PALS1: variants seen among roughly 807,000 people sequenced by gnomAD.
PALS1 encodes the protein protein PALS1.
A neutral mutation model predicts 78.9 loss-of-function variants in PALS1; 31 were observed. The ratio of observed to expected loss-of-function variants is 0.39; its 90% CI spans 0.30 to 0.53. The LOEUF is 0.53. PALS1 is among the 20% of genes least tolerant of loss of function. The pLI is 0.67. For synonymous variants in PALS1, 276 were observed against 270.9 expected, an observed-to-expected ratio of 1.02 and a Z score of -0.18; for missense variants, 704 against 826.5, an observed-to-expected ratio of 0.85 and a Z score of 1.82.
At chr14:67,280,257 T>C (rs1043085273) in intron 3 of PALS1, among the ~76,000 whole-genome samples, 2 of 152,250 alleles carry the variant, frequency 1.3e-5, no homozygotes, top group African/African-American at 2.4e-5. Context: ...TATTTAATCA[T>C]TGAATTTACT....
chr14:67,322,470 G>T (rs887529398), intron 13 of PALS1, among the ~76,000 whole-genome samples: 1 of 152,120 alleles, frequency 6.6e-6, no homozygotes, highest in African/African-American at 2.4e-5. Flanking sequence ...TCCTTAATGT[G>T]GTAGAATCTG....
intron 1 of PALS1, among the ~76,000 whole-genome samples, chr14:67,265,466 G>A (rs180732922): frequency 2.0e-5 from 3 of 152,278 alleles, no homozygotes. Flanking sequence ...TGAGGTGGGA[G>A]GGTTGCATGA....
chr14:67,284,429 T>TAAA (rs530863294), intron 3 of PALS1, among the ~76,000 whole-genome samples: 22 of 92,676 alleles, frequency 2.4e-4, no homozygotes, highest in Non-Finnish European at 3.3e-4. Context: ...CCCTATCTCT[T>TAAA]AAAAAAAAAA....
chr14:67,278,618 C>T (rs1296761025), intron 2 of PALS1, among the ~76,000 whole-genome samples: 1 of 152,130 alleles, frequency 6.6e-6, no homozygotes, highest in Non-Finnish European at 1.5e-5. Context: ...ATTTCAATCC[C>T]ATGTTAATTG....
At chr14:67,302,810 A>G (rs978751696) in intron 7 of PALS1, among the ~76,000 whole-genome samples, 2 of 143,162 alleles carry the variant, frequency 1.4e-5, no homozygotes, top group African/African-American at 5.1e-5. Flanking sequence ...GGAATCAGTA[A>G]TATAACTCAT....
intron 3 of PALS1, among the ~76,000 whole-genome samples, chr14:67,289,895 C>T (rs547291247): frequency 5.3e-5 from 8 of 151,408 alleles, no homozygotes; most frequent in Non-Finnish European, 8.8e-5. Context: ...CTCAGCCTCT[C>T]GAGTAGCTGG....
chr14:67,325,259 A>T (rs2085334778), intron 14 of PALS1, among the ~76,000 whole-genome samples: 2 of 151,506 alleles, frequency 1.3e-5, no homozygotes, highest in African/African-American at 4.8e-5. Flanking sequence ...CTTCCTCTTC[A>T]CCCTCCAAAA....
chr14:67,272,721 C>T (rs58809332), intron 2 of PALS1, among the ~76,000 whole-genome samples: 23,552 of 152,110 alleles, frequency 0.15, 3,443 homozygotes, highest in East Asian at 0.42. Flanking sequence ...CGCAGTGGCA[C>T]GATCTTGGCT....
At position 67,321,069 on chromosome 14, in the gene PALS1, G is replaced by A. The variant is rs749033759; in HGVS notation, c.1550G>A (p.Ser517Asn). ...FASAVPHTTR[S>N]RRDQEVAGRD... ...TTTGTTTGCCTAGATACAACCCGGA[G>A]TAGGCGAGACCAAGAAGTAGCCGGT... Residue 517 changes from serine (S) to asparagine (N), a missense_variant, in exon 13 of 15, where the codon AGT becomes AAT. Coordinates refer to ENST00000261681, the MANE Select transcript of PALS1 (RefSeq NM_022474.4). The A allele has an allele frequency of 3.1e-6, 5 of 1,613,940 alleles. No homozygotes were observed. Among genetic ancestry groups the A allele is most frequent in the Non-Finnish European group, 4.2e-6 (5 of 1,179,946 alleles).
chr14:67,332,122 A>T (rs995021395), intron 14 of PALS1, among the ~76,000 whole-genome samples: 34 of 152,212 alleles, frequency 2.2e-4, no homozygotes, highest in African/African-American at 8.2e-4. Flanking sequence ...AGTTGTCTTC[A>T]TTGGCAGGGG....
At chr14:67,313,960 AAAAC>A (rs200711257) in intron 9 of PALS1, among the ~76,000 whole-genome samples, 2,924 of 151,676 alleles carry the variant, frequency 0.019, 37 homozygotes, top group Middle Eastern at 0.034. Context: ...AAGTTCTCAG[AAAAC>A]AAACAAAAAT....
intron 1 of PALS1, among the ~76,000 whole-genome samples, chr14:67,252,525 A>C (rs931599280): frequency 5.3e-5 from 8 of 152,192 alleles, no homozygotes; most frequent in African/African-American, 1.9e-4. Flanking sequence ...TGTGAAGTAC[A>C]GGAGGCCCAA....
chr14:67,262,833 TATATATTCTTCATTATTAGCC>T (rs765659862), intron 1 of PALS1, among the ~76,000 whole-genome samples: 4 of 152,174 alleles, frequency 2.6e-5, no homozygotes, highest in Non-Finnish European at 5.9e-5. Context: ...AACTAGGCCA[TATATATTCTTCATTATTAGCC>T]ATATACAGCA....
chr14:67,256,000 T>C (rs2084139395), intron 1 of PALS1, among the ~76,000 whole-genome samples: 1 of 152,234 alleles, frequency 6.6e-6, no homozygotes, highest in African/African-American at 2.4e-5. Flanking sequence ...CAACTGACTT[T>C]AATAAGTAAT....
chr14:67,280,938 C>G (rs1333378957), intron 3 of PALS1, among the ~76,000 whole-genome samples: 3 of 148,704 alleles, frequency 2.0e-5, no homozygotes, highest in East Asian at 2.0e-4. Flanking sequence ...GCTCTGTTGC[C>G]CAGGCTGGAG....
intron 1 of PALS1, among the ~76,000 whole-genome samples, chr14:67,264,814 T>A (rs1008845652): frequency 1.3e-5 from 2 of 152,200 alleles, no homozygotes; most frequent in Non-Finnish European, 2.9e-5. Context: ...ATGTGTTATA[T>A]ATATGCTTTT....
At chr14:67,303,724 AT>A in intron 8 of PALS1, 125 bp downstream of exon 8, 1 of 698,530 alleles carries the variant, frequency 1.4e-6, no homozygotes, top group East Asian at 2.7e-5. Context: ...TTTTATTTAA[AT>A]AAATATGAAA....
intron 1 of PALS1, among the ~76,000 whole-genome samples, chr14:67,252,944 C>G (rs1368373841): frequency 2.6e-5 from 4 of 152,158 alleles, no homozygotes; most frequent in Non-Finnish European, 5.9e-5. Flanking sequence ...TTCACATGTT[C>G]TTGATTAGCT....
At chr14:67,319,971 C>A (rs1485472181) in intron 11 of PALS1, among the ~76,000 whole-genome samples, 1 of 152,236 alleles carries the variant, frequency 6.6e-6, no homozygotes, top group African/African-American at 2.4e-5. Context: ...TGCAAATTAG[C>A]TGTTTAATGT....
Sources: gnomAD v4.1 joint callset for allele counts (sites outside exome capture counted in the v4.1 genomes callset) on GRCh38, gnomAD v4.1.1 for gene constraint, MANE v1.5 for transcripts, NCBI Gene and HGNC (gene_info 2026-07-23, HGNC 2026-07-21) for gene names.